NTAN1: variants seen among roughly 807,000 people sequenced by gnomAD.
NTAN1 encodes the protein N-terminal asparagine amidase.
In NTAN1, 32 loss-of-function variants were observed where a neutral mutation model predicts 41.9. That is an observed-to-expected ratio of 0.76 (90% confidence interval 0.58 to 1.03). NTAN1 has a LOEUF of 1.03. Ranked by LOEUF, NTAN1 falls within the 50% of genes least tolerant of loss-of-function variation. NTAN1 has a pLI of 0.00. For missense variants in NTAN1, 377 were observed against 377.5 expected, an observed-to-expected ratio of 1.00 and a Z score of 0.01; for synonymous variants, 140 against 139.5, an observed-to-expected ratio of 1.00 and a Z score of -0.03.
At chr16:15,052,424 T>G (rs1371427831) in intron 1 of NTAN1, among the ~76,000 whole-genome samples, 1 of 152,206 alleles carries the variant, frequency 6.6e-6, no homozygotes, top group East Asian at 1.9e-4. Context: ...CACCTAGCTG[T>G]GACCTGGGGG....
intron 7 of NTAN1, 81 bp from the exon 8 acceptor site, chr16:15,040,147 C>A (rs1486205625): frequency 1.4e-6 from 1 of 737,506 alleles, no homozygotes; most frequent in Non-Finnish European, 2.4e-6. Context: ...TCTACCACCA[C>A]TCCTAAGAGA....
At position 15,043,577 on chromosome 16, in the gene NTAN1, T is replaced by C. The variant is rs138802985; in HGVS notation, c.433+757A>G. Among the ~76,000 whole-genome samples, 1,359 of 152,274 alleles carry C rather than the reference T, an allele frequency of 8.9e-3. 11 individuals carry two copies. Among genetic ancestry groups the C allele is most frequent in the Non-Finnish European group, 0.012 (788 of 68,018 alleles). On this transcript the variant is annotated intron_variant, in intron 5 of 9. Coordinates refer to ENST00000287706, the MANE Select transcript of NTAN1 (RefSeq NM_173474.4). ...ATTGCTTCCCAGACAGGCTGTACCA[T>C]CATATGAGTAAGCTTGCTTCATGGC...
At chr16:15,047,330 G>A in intron 4 of NTAN1, 112 bp downstream of exon 4, 3 of 740,592 alleles carry the variant, frequency 4.1e-6, no homozygotes, top group South Asian at 3.2e-5. Context: ...GGGGAACGAG[G>A]CAGACACGGC....
intron 5 of NTAN1, 78 bp from the exon 6 acceptor site, chr16:15,041,754 C>T (rs1228347425): frequency 1.9e-6 from 2 of 1,037,712 alleles, no homozygotes; most frequent in Non-Finnish European, 3.0e-6. Context: ...AAGCCAACGA[C>T]AGGGAGGGAC....
rs376663643 is a variant in NTAN1, at chr16:15,038,226, G to C, written c.754-16C>G. On this transcript the variant is annotated splice_polypyrimidine_tract_variant and intron_variant, in intron 9 of 9. Transcript: ENST00000287706. ...TGGAAAGATTCTGAAAACACAAGAT[G>C]GTGGGCATTAGAGAAGCCAACCTTA... 6.2e-7 allele frequency: 1 copy of C among 1,607,810 alleles called. No individual in the cohort carries two copies. Among genetic ancestry groups the C allele is most frequent in the African/African-American group, 1.3e-5 (1 of 74,900 alleles).
chr16:15,041,005 G>C (rs1455794785), intron 7 of NTAN1, 63 bp downstream of exon 7: 14 of 1,148,228 alleles, frequency 1.2e-5, no homozygotes, highest in Non-Finnish European at 1.7e-5. Context: ...TTGGTTTGCT[G>C]AATTAGACTT....
At chr16:15,049,149 C>G (rs1179393559) in intron 1 of NTAN1, among the ~76,000 whole-genome samples, 1 of 151,174 alleles carries the variant, frequency 6.6e-6, no homozygotes, top group African/African-American at 2.4e-5. Context: ...CCACCCTGGC[C>G]TCCCAAAGTG....
chr16:15,047,535 C>A lies in NTAN1; in HGVS notation c.266G>T (p.Cys89Phe). Residue 89 changes from cysteine (C) to phenylalanine (F), a missense_variant, in exon 4 of 10, where the codon TGC becomes TTC. Transcript: ENST00000287706. ...VLRHTGNGAT[C>F]LTHCDGTDTK... ...GTCGGTTCCGTCACAATGTGTCAAG[C>A]AGGTGGCCCCATTACCTGAAGAACA... 1 of 1,613,296 alleles carries A rather than the reference C, an allele frequency of 6.2e-7. No homozygotes were observed.
intron 7 of NTAN1, chr16:15,040,309 T>C: frequency 4.9e-6 from 2 of 407,002 alleles, no homozygotes; most frequent in Admixed American, 8.7e-5. Flanking sequence ...AAGAGCTGCT[T>C]TCCACATGGG....
chr16:15,047,449 A>C lies in NTAN1; in HGVS notation c.352T>G (p.Cys118Gly). The change falls in exon 4 of 10, where the codon TGT (cysteine) becomes GGT (glycine). Residue 118 changes from cysteine (C) to glycine (G), a missense_variant. Physicochemically the swap from Cys to Gly is radical, Grantham distance 159 (BLOSUM62 -3). Coordinates refer to ENST00000287706, the MANE Select transcript of NTAN1 (RefSeq NM_173474.4). ...SIKSFSDHAQ[C>G]GRLEVHLVGG... ...GAGCAGCGTAGATCTCACCTTCCAC[A>C]TTGAGCGTGGTCAGAAAAGGATTTT... is the stretch of plus-strand genomic sequence containing the variant. 1 of 1,599,184 alleles carries C rather than the reference A, an allele frequency of 6.3e-7. No homozygotes were observed. Among genetic ancestry groups the C allele is most frequent in the Non-Finnish European group, 8.6e-7 (1 of 1,166,738 alleles).
At chr16:15,040,957 G>T in intron 7 of NTAN1, 111 bp downstream of exon 7, 1 of 779,704 alleles carries the variant, frequency 1.3e-6, no homozygotes, top group Non-Finnish European at 2.3e-6. Context: ...GCTGGGATCT[G>T]AACCCAAAGC....
chr16:15,052,133 G>A (rs918793159), intron 1 of NTAN1, among the ~76,000 whole-genome samples: 1 of 152,070 alleles, frequency 6.6e-6, no homozygotes, highest in Non-Finnish European at 1.5e-5. Flanking sequence ...GTAAATATTT[G>A]GGGTTCTACA....
chr16:15,055,412 G>A (rs1409397897), intron 1 of NTAN1, among the ~76,000 whole-genome samples: 2 of 152,204 alleles, frequency 1.3e-5, no homozygotes, highest in African/African-American at 4.8e-5. Context: ...AAGGACTGGG[G>A]GTCCCCGCCA....
chr16:15,051,135 G>T (rs1287695013), intron 1 of NTAN1, among the ~76,000 whole-genome samples: 1 of 152,232 alleles, frequency 6.6e-6, no homozygotes, highest in Non-Finnish European at 1.5e-5. Context: ...GGGAAGGGAA[G>T]AGAAGGGAGG....
intron 8 of NTAN1, among the ~76,000 whole-genome samples, chr16:15,039,022 G>A (rs2043682324): frequency 6.6e-6 from 1 of 152,120 alleles, no homozygotes; most frequent in Non-Finnish European, 1.5e-5. Context: ...CTCAAACCCA[G>A]GCGCTTCTGA....
chr16:15,043,170 G>T (rs987442329), intron 5 of NTAN1, among the ~76,000 whole-genome samples: 3 of 152,132 alleles, frequency 2.0e-5, no homozygotes, highest in African/African-American at 4.8e-5. Context: ...AAAGTGCTGG[G>T]ATTACAGGCA....
At chr16:15,041,742 G>T in intron 5 of NTAN1, 66 bp from the exon 6 acceptor site, 2 of 1,178,960 alleles carry the variant, frequency 1.7e-6, no homozygotes, top group Non-Finnish European at 1.3e-6. Flanking sequence ...AAACTGCTGA[G>T]CAAGCCAACG....
At chr16:15,042,575 A>G (rs920112350) in intron 5 of NTAN1, among the ~76,000 whole-genome samples, 9 of 152,156 alleles carry the variant, frequency 5.9e-5, no homozygotes, top group South Asian at 2.1e-4. Context: ...TAGCGACTAC[A>G]TAATTATTAT....
intron 7 of NTAN1, 64 bp downstream of exon 7, chr16:15,041,004 T>C: frequency 8.8e-7 from 1 of 1,135,952 alleles, no homozygotes; most frequent in South Asian, 1.2e-5. Context: ...ATTGGTTTGC[T>C]GAATTAGACT....
Sources: gnomAD v4.1 joint callset for allele counts (sites outside exome capture counted in the v4.1 genomes callset) on GRCh38, gnomAD v4.1.1 for gene constraint, MANE v1.5 for transcripts, NCBI Gene and HGNC (gene_info 2026-07-23, HGNC 2026-07-21) for gene names.